POLR1D: variants seen among roughly 807,000 people sequenced by gnomAD.
The protein encoded by POLR1D is DNA-directed RNA polymerases I and III subunit RPAC2.
In POLR1D, 8 loss-of-function variants were observed where a neutral mutation model predicts 10.8. The ratio of observed to expected loss-of-function variants is 0.74; its 90% CI spans 0.43 to 1.33. The LOEUF (loss-of-function observed/expected upper bound fraction) is 1.33. Among genes scored for constraint, POLR1D ranks in the 40% most tolerant of loss-of-function variants. The pLI, the probability that POLR1D is intolerant of heterozygous loss-of-function variation, is 0.01. For synonymous variants in POLR1D, 54 were observed against 57.2 expected (o/e 0.94, Z 0.25); for missense variants, 152 against 161.7 (o/e 0.94, Z 0.32).
intron 1 of POLR1D, among the ~76,000 whole-genome samples, chr13:27,640,576 T>C (rs1005560555): frequency 7.9e-5 from 12 of 152,230 alleles, no homozygotes; most frequent in African/African-American, 2.9e-4. Context: ...CTGAAGATAC[T>C]CATGATTTAA....
rs1956407695 is a variant in POLR1D, at chr13:27,665,591, A to G, written c.102-95A>G. 5 of 1,114,830 alleles carry G rather than the reference A, an allele frequency of 4.5e-6. No homozygotes were observed. The Admixed American group carries it at 8.5e-5, about 19-fold the overall frequency. 69.1% of individuals were successfully genotyped at this position (1,114,830 alleles called of 1,614,324 possible). A position where few individuals can be genotyped will look rare whatever the true frequency, so the allele number is the denominator to read the frequency against. ...AAATTCAGAAACTCGATTCTGTGGG[A>G]GCAGGATTCTTTGGTACTAATCACG... On this transcript the variant is annotated intron_variant, in intron 2 of 2. Coordinates refer to the POLR1D transcript ENST00000399697.
At chr13:27,653,741 CATTT>C (rs1188572381) in intron 2 of POLR1D, among the ~76,000 whole-genome samples, 1 of 152,006 alleles carries the variant, frequency 6.6e-6, no homozygotes, top group African/African-American at 2.4e-5. Context: ...AGATAAATAA[CATTT>C]ATAAGAAAAA....
chr13:27,626,294 T>A (rs1319018786), downstream of POLR1D, among the ~76,000 whole-genome samples: 1 of 152,180 alleles, frequency 6.6e-6, no homozygotes, highest in Non-Finnish European at 1.5e-5. Context: ...TGATAGTAGA[T>A]GAAGTACAGT....
rs1293633785 is a variant in POLR1D at position 27,654,323 on chromosome 13, A to T, written c.101+5870A>T. On this transcript the variant is annotated intron_variant, in intron 2 of 2. Transcript: ENST00000399697. The stretch of plus-strand genomic sequence containing the variant: ...TGATTTTGTAACATCATCATTGGTC[A>T]TCTGGAAAATATTGGTTCACTGAGT... 3.9e-5 allele frequency among the ~76,000 whole-genome samples: 6 copies of T among 152,320 alleles called. No homozygotes were observed. The East Asian group carries it at 1.2e-3, about 29-fold the overall frequency.
intron 1 of POLR1D, among the ~76,000 whole-genome samples, chr13:27,644,766 T>C (rs1474110119): frequency 1.3e-5 from 2 of 149,672 alleles, no homozygotes; most frequent in African/African-American, 4.8e-5. Context: ...TTCTTATATA[T>C]TCTCCTATTT....
intron 2 of POLR1D, among the ~76,000 whole-genome samples, chr13:27,649,274 C>A (rs1956246541): frequency 6.6e-6 from 1 of 152,050 alleles, no homozygotes; most frequent in South Asian, 2.1e-4. Flanking sequence ...ACATTTAGAA[C>A]CATGCACATA....
At chr13:27,633,748 T>C (rs1247383245) in intron 1 of POLR1D, among the ~76,000 whole-genome samples, 3 of 152,220 alleles carry the variant, frequency 2.0e-5, no homozygotes, top group African/African-American at 7.2e-5. Context: ...AGATTTCAAG[T>C]GAAGGATCAC....
At chr13:27,657,838 C>T (rs1018666929) in intron 2 of POLR1D, among the ~76,000 whole-genome samples, 1 of 152,150 alleles carries the variant, frequency 6.6e-6, no homozygotes, top group Non-Finnish European at 1.5e-5. Flanking sequence ...TCTCTGGGTA[C>T]TTGCTTATTC....
At chr13:27,649,120 G>C (rs557675067) in intron 2 of POLR1D, among the ~76,000 whole-genome samples, 1 of 152,276 alleles carries the variant, frequency 6.6e-6, no homozygotes, top group Non-Finnish European at 1.5e-5. Flanking sequence ...ATTTGCATTT[G>C]ATGAATTTGT....
intron 1 of POLR1D, among the ~76,000 whole-genome samples, chr13:27,643,508 C>T (rs977024838): frequency 6.6e-6 from 1 of 152,164 alleles, no homozygotes; most frequent in Non-Finnish European, 1.5e-5. Flanking sequence ...CCTGTGGTTT[C>T]TACAGATCCC....
intron 2 of POLR1D, among the ~76,000 whole-genome samples, chr13:27,655,167 C>T (rs1223300193): frequency 1.3e-5 from 2 of 152,180 alleles, no homozygotes; most frequent in African/African-American, 4.8e-5. Context: ...ATTCCTTATA[C>T]AGTCAATAGC....
At chr13:27,659,337 G>A (rs1011893910) in intron 2 of POLR1D, among the ~76,000 whole-genome samples, 1 of 152,210 alleles carries the variant, frequency 6.6e-6, no homozygotes, top group Non-Finnish European at 1.5e-5. Flanking sequence ...CACACTGACT[G>A]TGTTAGAACC....
chr13:27,651,683 G>A (rs937603219), intron 2 of POLR1D: 9 of 152,062 alleles, frequency 5.9e-5, no homozygotes, highest in African/African-American at 2.2e-4. Flanking sequence ...TATATTAATA[G>A]ATGTAACCCA....
At chr13:27,622,271 A>C in intron 1 of POLR1D, 2 of 572,044 alleles carry the variant, frequency 3.5e-6, no homozygotes, top group East Asian at 2.9e-5. Context: ...GTGTGTAAAA[A>C]TCACGCCCCG....
downstream of POLR1D, among the ~76,000 whole-genome samples, chr13:27,627,291 T>G (rs1956022372): frequency 2.0e-5 from 3 of 152,048 alleles, no homozygotes; most frequent in South Asian, 6.2e-4. Context: ...GTTTTTTTTT[T>G]TTTCTCATGA....
downstream of POLR1D, among the ~76,000 whole-genome samples, chr13:27,626,767 A>G (rs888689518): frequency 1.3e-5 from 2 of 152,240 alleles, no homozygotes; most frequent in Admixed American, 1.3e-4. Context: ...ACATGTAGTA[A>G]TTCTGAGTAC....
At chr13:27,657,108 G>C (rs1956315187) in intron 2 of POLR1D, among the ~76,000 whole-genome samples, 1 of 152,130 alleles carries the variant, frequency 6.6e-6, no homozygotes, top group Non-Finnish European at 1.5e-5. Flanking sequence ...TGAGAAGCAG[G>C]GAATGCTATC....
intron 2 of POLR1D, chr13:27,648,551 C>T (rs921296172): frequency 2.7e-6 from 2 of 743,680 alleles, no homozygotes; most frequent in Non-Finnish European, 4.7e-6. Context: ...AATGGGAAAC[C>T]ATGGAAGCAG....
intron 1 of POLR1D, 134 bp from the exon 2 acceptor site, chr13:27,622,741 T>A (rs1955960238): frequency 1.6e-6 from 1 of 643,634 alleles, no homozygotes; most frequent in Admixed American, 2.8e-5. Flanking sequence ...GGCAGGAAAA[T>A]GAGAGGCGAA....
Sources: gnomAD v4.1 joint callset for allele counts (sites outside exome capture counted in the v4.1 genomes callset) on GRCh38, gnomAD v4.1.1 for gene constraint, MANE v1.5 for transcripts, NCBI Gene and HGNC (gene_info 2026-07-23, HGNC 2026-07-21) for gene names.